Variants in NXNL1 observed in about 807,000 individuals in gnomAD.
The protein encoded by NXNL1 is nucleoredoxin like 1.
A neutral mutation model predicts 7.2 loss-of-function variants in NXNL1; 6 were observed. The observed-to-expected ratio is 0.83, with a 90% CI of 0.46 to 1.64. The LOEUF is 1.64. Ranked by LOEUF, NXNL1 falls within the 40% of genes most tolerant of loss-of-function variation. The probability of loss-of-function intolerance (pLI) is 0.01; values close to 1 mark genes in which losing one functional copy is unlikely to be tolerated. For missense variants in NXNL1, 308 were observed against 285.1 expected (o/e 1.08, Z -0.58); for synonymous variants, 133 against 127.2 (o/e 1.05, Z -0.31).
At position 17,460,762 on chromosome 19, in the gene NXNL1, C is replaced by T; in HGVS notation, c.108G>A (p.Leu36=). The part of the protein sequence containing the change: ...VSRRLENRLV[L]LFFGAGACPQ... Reference sequence around the variant, plus strand: ...GACAAGCCCCAGCACCAAAGAACAGCAGCACCAGCCGGTTCTCCAGCCTGC... The same window carrying T: ...GACAAGCCCCAGCACCAAAGAACAGTAGCACCAGCCGGTTCTCCAGCCTGC... The change falls in exon 1 of 2, where the codon CTG becomes CTA. Residue 36 remains leucine, a synonymous_variant. Transcript: ENST00000301944. 6.2e-7 allele frequency: 1 copy of T among 1,613,704 alleles called. No individual in the cohort carries two copies. The highest frequency in any genetic ancestry group is 8.5e-7 in the Non-Finnish European group (1 of 1,180,024).
At position 17,460,818 on chromosome 19, in the gene NXNL1, C is replaced by G. The variant is rs773261846; in HGVS notation, c.52G>C (p.Asp18His). 1.2e-6 allele frequency: 2 copies of G among 1,613,836 alleles called. No homozygotes were observed. Among genetic ancestry groups the G allele is most frequent in the Non-Finnish European group, 1.7e-6 (2 of 1,180,034 alleles). Residue 18 changes from aspartate (D) to histidine (H), a missense_variant, in exon 1 of 2, where the codon GAC becomes CAC. By Grantham distance (81) the Asp-to-His change is moderately conservative. Transcript: ENST00000301944. ...RILIRNNSDQ[D>H]ELDTEAEVSR... ...ACCTCAGCCTCCGTATCCAGCTCGT[C>G]CTGGTCGCTATTGTTGCGGATCAGG...
intron 1 of NXNL1, 84 bp from the exon 2 acceptor site, chr19:17,456,043 A>T: frequency 6.4e-7 from 1 of 1,564,176 alleles, no homozygotes. Flanking sequence ...CCCAGTACTT[A>T]GGCAGCGCCT....
rs779889890 is a variant in NXNL1 at position 17,460,816 on chromosome 19, G to A, written c.54C>T (p.Asp18=). Residue 18 remains aspartate (D), a synonymous_variant, in exon 1 of 2, where the codon GAC becomes GAT. Transcript: ENST00000301944. The stretch of plus-strand genomic sequence containing the variant: ...TGACCTCAGCCTCCGTATCCAGCTC[G>A]TCCTGGTCGCTATTGTTGCGGATCA... The part of the protein sequence containing the change: ...RILIRNNSDQ[D]ELDTEAEVSR... 42 of 1,613,676 alleles carry A rather than the reference G, an allele frequency of 2.6e-5. No individual in the cohort carries two copies. Among genetic ancestry groups the A allele is most frequent in the Admixed American group, 5.0e-5 (3 of 59,988 alleles).
At chr19:17,456,543 C>T (rs1044076774) in intron 1 of NXNL1, among the ~76,000 whole-genome samples, 1 of 151,916 alleles carries the variant, frequency 6.6e-6, no homozygotes, top group African/African-American at 2.4e-5. Context: ...CAGTGTTTTT[C>T]TCCAAAGTGC....
At chr19:17,456,168 CG>C (rs998769960) in intron 1 of NXNL1, among the ~76,000 whole-genome samples, 7 of 152,050 alleles carry the variant, frequency 4.6e-5, no homozygotes, top group African/African-American at 1.7e-4. Flanking sequence ...GCTCCAACCT[CG>C]GGGCATTTGT....
chr19:17,456,999 C>G (rs2074995718), intron 1 of NXNL1, among the ~76,000 whole-genome samples: 1 of 150,838 alleles, frequency 6.6e-6, no homozygotes, highest in African/African-American at 2.4e-5. Context: ...GCAGTGAGCC[C>G]AGATCACGCC....
Position 17,455,595 on chromosome 19 carries a change from T to TG in NXNL1, c.*51dup, listed in dbSNP as rs2074988932. The TG allele has an allele frequency of 9.1e-7, 1 of 1,102,582 alleles. No homozygotes were observed. The highest frequency in any genetic ancestry group is 2.3e-5 in the Admixed American group (1 of 44,316). The allele number at this position is 1,102,582 out of a possible 1,614,324, so 68.3% of individuals were successfully genotyped here. A position where few individuals can be genotyped will look rare whatever the true frequency, so the allele number is the denominator to read the frequency against. ...GGATTACAGGCGTGCGGGGGTGGGG[T>TG]GGGGGTGGAGGTTCATCAACAAACC... On this transcript the variant is annotated 3_prime_UTR_variant, in exon 2 of 2. Coordinates refer to ENST00000301944, the MANE Select transcript of NXNL1 (RefSeq NM_138454.2).
intron 1 of NXNL1, among the ~76,000 whole-genome samples, chr19:17,459,087 C>T (rs894889322): frequency 3.9e-5 from 6 of 152,038 alleles, no homozygotes; most frequent in South Asian, 2.1e-4. Context: ...AGCTTGAATC[C>T]GACTACCTCT....
Position 17,455,664 on chromosome 19 carries a change from C to CCCG in NXNL1, c.621_622insCGG (p.Gly207_Ala208insArg). The stretch of plus-strand genomic sequence containing the variant: ...CTAGCGGGTCAGAACAGCCCCCCGG[C>CCCG]CCCGCCCTCCTCCCCACCCCCTCCC... On this transcript the variant is annotated inframe_insertion, in exon 2 of 2. Coordinates refer to ENST00000301944, the MANE Select transcript of NXNL1 (RefSeq NM_138454.2). 1.9e-6 allele frequency: 1 copy of CCCG among 514,986 alleles called. No homozygotes were observed. 31.9% of individuals were successfully genotyped at this position (514,986 alleles called of 1,614,324 possible). A position where few individuals can be genotyped will look rare whatever the true frequency, so the allele number is the denominator to read the frequency against.
At position 17,460,835 on chromosome 19, in the gene NXNL1, C is replaced by G; in HGVS notation, c.35G>C (p.Arg12Pro). 1.2e-6 allele frequency: 2 copies of G among 1,613,710 alleles called. No individual in the cohort carries two copies. The highest frequency in any genetic ancestry group is 1.7e-6 in the Non-Finnish European group (2 of 1,180,032). The change falls in exon 1 of 2, where the codon CGC (arginine) becomes CCC (proline). Residue 12 changes from arginine to proline, a missense_variant. Physicochemically the swap from Arg to Pro is moderately radical, Grantham distance 103 (BLOSUM62 -2). Transcript: ENST00000301944. ...ASLFSGRILI[R>P]NNSDQDELDT... The stretch of plus-strand genomic sequence containing the variant: ...CAGCTCGTCCTGGTCGCTATTGTTG[C>G]GGATCAGGATGCGGCCAGAGAACAG...
Position 17,460,903 on chromosome 19 carries a change from C to T in NXNL1, c.-34G>A, listed in dbSNP as rs1279718573. The T allele has an allele frequency of 1.1e-5, 17 of 1,601,480 alleles. No individual in the cohort carries two copies. Among genetic ancestry groups the T allele is most frequent in the Non-Finnish European group, 1.3e-5 (15 of 1,174,008 alleles). On this transcript the variant is annotated 5_prime_UTR_variant, in exon 1 of 2. Coordinates refer to ENST00000301944, the MANE Select transcript of NXNL1 (RefSeq NM_138454.2). ...GGGTTGGGTGCTGGGGACAGCGCGG[C>T]GTGTGGTCCCCGGTCTGCTGACTGG...
At chr19:17,456,885 A>T (rs899583320) in intron 1 of NXNL1, among the ~76,000 whole-genome samples, 1 of 151,728 alleles carries the variant, frequency 6.6e-6, no homozygotes, top group Non-Finnish European at 1.5e-5. Context: ...CGTCTCTACT[A>T]AAAAATACAA....
At chr19:17,456,657 G>A (rs2074994469) in intron 1 of NXNL1, among the ~76,000 whole-genome samples, 1 of 152,046 alleles carries the variant, frequency 6.6e-6, no homozygotes, top group Non-Finnish European at 1.5e-5. Flanking sequence ...TGAGATAGGC[G>A]GATCACCGGA....
At chr19:17,459,924 C>G in intron 1 of NXNL1, among the ~76,000 whole-genome samples, 2 of 152,244 alleles carry the variant, frequency 1.3e-5, no homozygotes, top group South Asian at 4.1e-4. Flanking sequence ...CCTCTGACCC[C>G]GGAACCTCAC....
intron 1 of NXNL1, 135 bp downstream of exon 1, chr19:17,460,409 C>T (rs1361507102): frequency 5.3e-6 from 5 of 948,764 alleles, no homozygotes; most frequent in African/African-American, 1.6e-5. Flanking sequence ...GAAGTGGGCA[C>T]CCCTGTCTGT....
chr19:17,457,471 C>T (rs1599626207), intron 1 of NXNL1, among the ~76,000 whole-genome samples: 1 of 151,884 alleles, frequency 6.6e-6, no homozygotes, highest in African/African-American at 2.4e-5. Context: ...TCCTGGGCTC[C>T]AGTGATCCTA....
intron 1 of NXNL1, among the ~76,000 whole-genome samples, chr19:17,460,144 G>A (rs139122801): frequency 8.2e-4 from 124 of 152,032 alleles, no homozygotes; most frequent in African/African-American, 2.9e-3. Context: ...CCAAGCAGCT[G>A]GGATTACAGG....
intron 1 of NXNL1, among the ~76,000 whole-genome samples, chr19:17,457,135 C>A (rs2074996278): frequency 6.6e-6 from 1 of 151,292 alleles, no homozygotes; most frequent in South Asian, 2.1e-4. Flanking sequence ...CAGTGGCTCA[C>A]CCCTGTAATC....
chr19:17,456,185 C>A (rs1363829290), intron 1 of NXNL1, among the ~76,000 whole-genome samples: 1 of 152,080 alleles, frequency 6.6e-6, no homozygotes, highest in Non-Finnish European at 1.5e-5. Flanking sequence ...TTTGTGCTGG[C>A]TGTGCCCACG....
Sources: allele counts gnomAD v4.1 joint callset (sites outside exome capture counted in the v4.1 genomes callset), GRCh38; gene constraint gnomAD v4.1.1; transcripts MANE v1.5; gene names NCBI Gene and HGNC (gene_info 2026-07-23, HGNC 2026-07-21).